SNX29: variants seen among roughly 807,000 people sequenced by gnomAD.
SNX29 encodes the protein sorting nexin 29, also known as sorting nexin-29.
In SNX29, 78 loss-of-function variants were observed where a neutral mutation model predicts 102.1. That is an observed-to-expected ratio of 0.76 (90% CI 0.64 to 0.92). The LOEUF (loss-of-function observed/expected upper bound fraction) is 0.92, where lower values mean the gene tolerates loss of function less well. Ranked by LOEUF, SNX29 falls within the 40% of genes least tolerant of loss-of-function variation. SNX29 has a pLI of 0.00. For synonymous variants in SNX29, 580 were observed against 414.5 expected (o/e 1.40, Z -4.85); for missense variants, 1,280 against 1,061.7 (o/e 1.21, Z -2.86).
chr16:12,541,508 C>G (rs976074863), intron 20 of SNX29, among the ~76,000 whole-genome samples: 19 of 152,212 alleles, frequency 1.2e-4, no homozygotes, highest in Middle Eastern at 3.4e-3. Flanking sequence ...ATCTGAGTCC[C>G]AAGTCATAAC....
intron 19 of SNX29, among the ~76,000 whole-genome samples, chr16:12,515,933 C>G (rs188923570): frequency 6.8e-4 from 104 of 152,166 alleles, no homozygotes; most frequent in Non-Finnish European, 1.1e-3. Flanking sequence ...CACTGCAGAT[C>G]AGGCAGCCCC....
intron 14 of SNX29, among the ~76,000 whole-genome samples, chr16:12,230,850 A>G (rs968832375): frequency 6.6e-6 from 1 of 152,068 alleles, no homozygotes; most frequent in East Asian, 1.9e-4. Context: ...GTATGTATAT[A>G]TGTATGTACT....
intron 19 of SNX29, among the ~76,000 whole-genome samples, chr16:12,482,815 A>G (rs2151836726): frequency 6.6e-6 from 1 of 152,210 alleles, no homozygotes; most frequent in East Asian, 1.9e-4. Flanking sequence ...TTTATAGTTG[A>G]AAGTGATCTT....
At chr16:12,386,796 TCTTTTCCAGAAGAGAGGGAAGA>T (rs2151450628) in intron 16 of SNX29, among the ~76,000 whole-genome samples, 1 of 152,262 alleles carries the variant, frequency 6.6e-6, no homozygotes, top group South Asian at 2.1e-4. Context: ...AAAAAGGCCT[TCTTTTCCAGAAGAGAGGGAAGA>T]AGAAATAAGA....
intron 19 of SNX29, among the ~76,000 whole-genome samples, chr16:12,497,164 C>G (rs2088870236): frequency 6.6e-6 from 1 of 152,258 alleles, no homozygotes; most frequent in Admixed American, 6.5e-5. Flanking sequence ...GGACAGCCAC[C>G]TGGCTGCAAC....
chr16:12,129,258 G>C (rs560104732), intron 12 of SNX29, among the ~76,000 whole-genome samples: 3 of 152,242 alleles, frequency 2.0e-5, no homozygotes, highest in Admixed American at 2.0e-4. Context: ...TCTCTGACCT[G>C]GTGTAGCTGT....
At chr16:12,492,574 C>CAAAA (rs2088606267) in intron 19 of SNX29, among the ~76,000 whole-genome samples, 1 of 152,136 alleles carries the variant, frequency 6.6e-6, no homozygotes, top group East Asian at 1.9e-4. Context: ...GTTGCCATTG[C>CAAAA]TTTTGGTGTT....
intron 20 of SNX29, among the ~76,000 whole-genome samples, chr16:12,549,178 C>G (rs897482418): frequency 6.6e-6 from 1 of 152,156 alleles, no homozygotes; most frequent in East Asian, 1.9e-4. Flanking sequence ...CATGGAGTGT[C>G]TGCAGGGGCT....
chr16:12,544,752 C>G (rs1199514597), intron 20 of SNX29, among the ~76,000 whole-genome samples: 7 of 152,180 alleles, frequency 4.6e-5, no homozygotes, highest in African/African-American at 1.7e-4. Context: ...GGTGAAGGGA[C>G]GTGCTCTGGG....
rs1294809839 is a variant in SNX29, at chr16:12,572,501, C to T, written c.*3872C>T. 8 of 1,063,716 alleles carry T rather than the reference C, an allele frequency of 7.5e-6. No homozygotes were observed. The highest frequency in any genetic ancestry group is 8.0e-6 in the Non-Finnish European group (7 of 878,302). 65.9% of individuals were successfully genotyped at this position (1,063,716 alleles called of 1,614,324 possible). ...CAGTTCTTGGGGTTCCAGGCCTCGG[C>T]CTTCCTGCTCCACGTGCTCAAGCCC... On this transcript the variant is annotated 3_prime_UTR_variant, in exon 21 of 21. Coordinates refer to ENST00000566228, the MANE Select transcript of SNX29 (RefSeq NM_032167.5).
intron 14 of SNX29, among the ~76,000 whole-genome samples, chr16:12,214,187 T>C (rs767089166): frequency 6.6e-6 from 1 of 152,200 alleles, no homozygotes; most frequent in South Asian, 2.1e-4. Flanking sequence ...CCTGGAAATA[T>C]CAAGTATCGA....
At chr16:12,323,940 T>C (rs1049519176) in intron 15 of SNX29, among the ~76,000 whole-genome samples, 1 of 152,186 alleles carries the variant, frequency 6.6e-6, no homozygotes, top group Non-Finnish European at 1.5e-5. Flanking sequence ...TTTTAAGGAA[T>C]ATTTTCAATT....
chr16:12,566,445 C>G (rs1184299839), intron 20 of SNX29, among the ~76,000 whole-genome samples: 3 of 152,068 alleles, frequency 2.0e-5, no homozygotes, highest in Admixed American at 2.0e-4. Context: ...AAGCTCTGGT[C>G]ATTGCAGGGC....
intron 20 of SNX29, among the ~76,000 whole-genome samples, chr16:12,545,157 C>G (rs550170202): frequency 3.7e-4 from 56 of 152,308 alleles, no homozygotes; most frequent in South Asian, 2.1e-4. Flanking sequence ...AGTACAGACA[C>G]TCTGCCAGCC....
At chr16:12,100,344 C>G (rs1490768378) in intron 11 of SNX29, among the ~76,000 whole-genome samples, 2 of 152,158 alleles carry the variant, frequency 1.3e-5, no homozygotes, top group Non-Finnish European at 2.9e-5. Context: ...AGCACCACCA[C>G]CAGTTGTGAC....
At chr16:12,544,914 A>G (rs1443342321) in intron 20 of SNX29, among the ~76,000 whole-genome samples, 1 of 152,232 alleles carries the variant, frequency 6.6e-6, no homozygotes, top group Non-Finnish European at 1.5e-5. Context: ...AATAGTCATT[A>G]GATGTTATCA....
chr16:12,538,415 C>A (rs774291702), intron 20 of SNX29, among the ~76,000 whole-genome samples: 6 of 152,172 alleles, frequency 3.9e-5, no homozygotes, highest in African/African-American at 1.4e-4. Flanking sequence ...AAAATGATGT[C>A]TGGGAGTAAT....
At chr16:12,387,487 C>T (rs181881404) in intron 16 of SNX29, among the ~76,000 whole-genome samples, 1 of 152,208 alleles carries the variant, frequency 6.6e-6, no homozygotes, top group East Asian at 1.9e-4. Context: ...GGCTACACTC[C>T]CCTTGCCATT....
chr16:12,387,675 A>T (rs1335479460), intron 16 of SNX29, among the ~76,000 whole-genome samples: 2 of 152,072 alleles, frequency 1.3e-5, no homozygotes, highest in Non-Finnish European at 2.9e-5. Flanking sequence ...GAGGAAACTG[A>T]GGCTCAAGAT....
Sources: allele counts gnomAD v4.1 joint callset (sites outside exome capture counted in the v4.1 genomes callset), GRCh38; gene constraint gnomAD v4.1.1; transcripts MANE v1.5; gene names NCBI Gene and HGNC (gene_info 2026-07-23, HGNC 2026-07-21).